Variants in KLF11 observed in about 807,000 individuals in gnomAD.
KLF11 encodes the protein KLF transcription factor 11, also known as Krueppel-like factor 11.
KLF11 carries 26 observed loss-of-function variants against 29.9 expected under a neutral mutation model. The ratio of observed to expected loss-of-function variants is 0.87; its 90% CI spans 0.64 to 1.21. The LOEUF is 1.21. Ranked by LOEUF, KLF11 falls within the 50% of genes most tolerant of loss-of-function variation. The pLI is 0.00. For synonymous variants in KLF11, 318 were observed against 257.4 expected (o/e 1.24, Z -2.25); for missense variants, 778 against 665.7 (o/e 1.17, Z -1.86).
At chr2:10,044,355 C>T (rs752458993) in intron 1 of KLF11, 278 of 985,694 alleles carry the variant, frequency 2.8e-4, no homozygotes, top group Admixed American at 1.6e-3. Context: ...GCGTCGCGAC[C>T]TGGGGGCTTC....
chr2:10,051,003 G>A (rs1213171958), intron 3 of KLF11, among the ~76,000 whole-genome samples: 2 of 134,780 alleles, frequency 1.5e-5, no homozygotes, highest in Non-Finnish European at 3.1e-5. Context: ...CCGGGTTCAC[G>A]CCATTCTCCT....
chr2:10,048,776 A>G (rs1473002459), intron 3 of KLF11, among the ~76,000 whole-genome samples, 181 bp downstream of exon 3: 3 of 152,182 alleles, frequency 2.0e-5, no homozygotes, highest in African/African-American at 7.2e-5. Flanking sequence ...TTGCACAGCC[A>G]TCAGGATTTT....
At position 10,046,149 on chromosome 2, in the gene KLF11, G is replaced by C; in HGVS notation, c.43-1G>C. ...AAGCCGTTGTGTTGTGTCGCCTTTAGGTTGACATCATGGACATATGTGAGT... is the reference window on the plus strand; with the variant it reads ...AAGCCGTTGTGTTGTGTCGCCTTTACGTTGACATCATGGACATATGTGAGT... On this transcript the variant is annotated splice_acceptor_variant, in intron 1 of 3. Coordinates refer to ENST00000305883, the MANE Select transcript of KLF11 (RefSeq NM_003597.5). LOFTEE classifies it high-confidence loss of function. The C allele has an allele frequency of 6.2e-7, 1 of 1,613,608 alleles. No homozygotes were observed. Among genetic ancestry groups the C allele is most frequent in the Non-Finnish European group, 8.5e-7 (1 of 1,180,046 alleles).
At chr2:10,043,891 G>T in intron 1 of KLF11, 133 bp downstream of exon 1, 1 of 1,070,032 alleles carries the variant, frequency 9.3e-7, no homozygotes, top group South Asian at 3.4e-5. Flanking sequence ...CGCGCCGGTA[G>T]GGGCCTGGGC....
rs770367363 is a variant in KLF11, at chr2:10,048,128, A to G, written c.791A>G (p.Tyr264Cys). Residue 264 changes from tyrosine to cysteine, a missense_variant, in exon 3 of 4, where the codon TAT (tyrosine) becomes TGT (cysteine). Physicochemically the swap from Tyr to Cys is radical, Grantham distance 194. Transcript: ENST00000305883. ...GAVQTCSPKN[Y>C]ENDLPRKTTP... is the part of the protein sequence containing the mutation. The stretch of plus-strand genomic sequence containing the variant: ...GTTCAGACTTGCTCACCAAAGAATT[A>G]TGAAAATGACCTGCCCAGGAAAACC... The G allele has an allele frequency of 5.6e-6, 9 of 1,614,110 alleles. No homozygotes were observed. The African/African-American group carries it at 1.2e-4, about 22-fold the overall frequency.
Position 10,054,029 on chromosome 2 carries a change from C to T in KLF11, c.*1522C>T, listed in dbSNP as rs1661485237. 1 of 152,326 alleles carries T rather than the reference C, an allele frequency of 6.6e-6. No homozygotes were observed. Among genetic ancestry groups the T allele is most frequent in the Non-Finnish European group, 1.5e-5 (1 of 68,032 alleles). The allele number at this position is 152,326 out of a possible 1,614,324, so 9.4% of individuals were successfully genotyped here. On this transcript the variant is annotated 3_prime_UTR_variant, in exon 4 of 4. Coordinates refer to ENST00000305883, the MANE Select transcript of KLF11 (RefSeq NM_003597.5). ...TTTGTTCTTTGTAGTCTGATAAAAT[C>T]TCCACCTGGTCATTCATTGTGTGTG...
rs767567762 is a variant in KLF11, at chr2:10,046,230, G to A, written c.123G>A (p.Glu41=). The A allele has an allele frequency of 2.5e-6, 4 of 1,614,198 alleles. No homozygotes were observed. The East Asian group carries it at 6.7e-5, about 27-fold the overall frequency. The stretch of plus-strand genomic sequence containing the variant: ...AAAGGTCTACTTGCAGCATCTTGGA[G>A]CAGACAGACATGGAAGCTGTCGAGG... ...DSERSTCSIL[E]QTDMEAVEAL... Residue 41 remains glutamate (E), a synonymous_variant, in exon 2 of 4, where the codon GAG becomes GAA. Transcript: ENST00000305883.
intron 1 of KLF11, among the ~76,000 whole-genome samples, chr2:10,045,387 C>CA (rs1053283121): frequency 6.6e-6 from 1 of 151,892 alleles, no homozygotes; most frequent in Admixed American, 6.6e-5. Context: ...TAGCAAAACT[C>CA]TCTTTCTACT....
In KLF11 at chr2:10,053,006, A is replaced by G. The variant is rs1661453799; in HGVS notation, c.*499A>G. On this transcript the variant is annotated 3_prime_UTR_variant, in exon 4 of 4. Coordinates refer to ENST00000305883, the MANE Select transcript of KLF11 (RefSeq NM_003597.5). The stretch of plus-strand genomic sequence containing the variant: ...TGGCCCTTCTTTTAGTAAACTGGAC[A>G]TGTTATTCCACTACAAAAACCACAA... 2 of 380,276 alleles carry G rather than the reference A, an allele frequency of 5.3e-6. No individual in the cohort carries two copies. The highest frequency in any genetic ancestry group is 7.6e-5 in the East Asian group (2 of 26,232). 23.6% of individuals were successfully genotyped at this position (380,276 alleles called of 1,614,324 possible).
At chr2:10,049,282 G>A (rs1202962278) in intron 3 of KLF11, among the ~76,000 whole-genome samples, 1 of 152,256 alleles carries the variant, frequency 6.6e-6, no homozygotes, top group Non-Finnish European at 1.5e-5. Flanking sequence ...AGTATTTGAA[G>A]TTTAAATAGC....
rs886054723 is a variant in KLF11, at chr2:10,048,383, C to T, written c.1046C>T (p.Pro349Leu). Residue 349 changes from proline (P) to leucine (L), a missense_variant, in exon 3 of 4, where the codon CCT becomes CTT. Transcript: ENST00000305883. Reference sequence around the variant, plus strand: ...TTGGTCCTGCCCCAGGGAGCCCTCCCTCCGCCTGCCCCCTGTGCAGCCAAT... The same window carrying T: ...TTGGTCCTGCCCCAGGGAGCCCTCCTTCCGCCTGCCCCCTGTGCAGCCAAT... ...VMLVLPQGALPPPAPCAANVM... is the reference protein window; with the variant it reads ...VMLVLPQGALLPPAPCAANVM... 2.5e-6 allele frequency: 4 copies of T among 1,612,920 alleles called. No individual in the cohort carries two copies. The highest frequency in any genetic ancestry group is 3.4e-6 in the Non-Finnish European group (4 of 1,179,078).
chr2:10,052,316 G>A lies in KLF11; in HGVS notation c.1348G>A (p.Gly450Arg), dbSNP rs1250713577. 1.9e-6 allele frequency: 3 copies of A among 1,614,158 alleles called. No homozygotes were observed. Among genetic ancestry groups the A allele is most frequent in the East Asian group, 2.2e-5 (1 of 44,878 alleles). ...GTCACGCCACCGCAGAACTCACACA[G>A]GGGAGAAGAAGTTTGTGTGCCCGGT... ...ELSRHRRTHTGEKKFVCPVCD... is the reference protein window; with the variant it reads ...ELSRHRRTHTREKKFVCPVCD... Residue 450 changes from glycine to arginine, a missense_variant, in exon 4 of 4, where the codon GGG becomes AGG. Physicochemically the swap from Gly to Arg is moderately radical, Grantham distance 125. Transcript: ENST00000305883.
rs773663627 is a variant in KLF11 at position 10,048,035 on chromosome 2, C to T, written c.698C>T (p.Pro233Leu). 1.2e-6 allele frequency: 2 copies of T among 1,614,196 alleles called. No homozygotes were observed. The highest frequency in any genetic ancestry group is 2.2e-5 in the South Asian group (2 of 91,082). The change falls in exon 3 of 4, where the codon CCC (proline) becomes CTC (leucine). Residue 233 changes from proline to leucine, a missense_variant. By Grantham distance (98) the Pro-to-Leu change is moderately conservative. Transcript: ENST00000305883. ...LLSTNLVSCQ[P>L]CLHKSGGLLL... ...AGCACTAACTTGGTGTCCTGTCAGC[C>T]CTGCTTGCACAAGTCTGGTGGCCTG...
At position 10,052,604 on chromosome 2, in the gene KLF11, C is replaced by G; in HGVS notation, c.*97C>G. 1 of 1,318,444 alleles carries G rather than the reference C, an allele frequency of 7.6e-7. No homozygotes were observed. The highest frequency in any genetic ancestry group is 1.1e-6 in the Non-Finnish European group (1 of 938,886). The allele number at this position is 1,318,444 out of a possible 1,614,324, so 81.7% of individuals were successfully genotyped here. A position where few individuals can be genotyped will look rare whatever the true frequency, so the allele number is the denominator to read the frequency against. On this transcript the variant is annotated 3_prime_UTR_variant, in exon 4 of 4. Transcript: ENST00000305883. Reference sequence around the variant, plus strand: ...CTCCCACTGCCTCACCCAAAAAAAACGGTCTTGGCGGCCTAGGGGAAGATC... The same window carrying G: ...CTCCCACTGCCTCACCCAAAAAAAAGGGTCTTGGCGGCCTAGGGGAAGATC...
At chr2:10,045,035 A>G (rs931144523) in intron 1 of KLF11, among the ~76,000 whole-genome samples, 2 of 152,034 alleles carry the variant, frequency 1.3e-5, no homozygotes, top group African/African-American at 2.4e-5. Flanking sequence ...AATCCCAGCT[A>G]CTGGGGAGGC....
In KLF11 at chr2:10,043,708, G is replaced by T; in HGVS notation, c.-9G>T. On this transcript the variant is annotated 5_prime_UTR_variant, in exon 1 of 4. Transcript: ENST00000305883. ...GCGGCCGCTTTGTTGCTCCCGGCCG[G>T]CCTGCACGATGCACACGCCGGACTT... 7.4e-7 allele frequency: 1 copy of T among 1,354,348 alleles called. No homozygotes were observed. The highest frequency in any genetic ancestry group is 9.6e-7 in the Non-Finnish European group (1 of 1,037,248). The allele number at this position is 1,354,348 out of a possible 1,614,324, so 83.9% of individuals were successfully genotyped here.
Position 10,048,574 on chromosome 2 carries a change from G to A in KLF11, c.1237G>A (p.Ala413Thr), listed in dbSNP as rs1272638631. The A allele has an allele frequency of 6.2e-6, 10 of 1,603,486 alleles. No individual in the cohort carries two copies. The highest frequency in any genetic ancestry group is 8.5e-6 in the Non-Finnish European group (10 of 1,179,798). Residue 413 changes from alanine to threonine, a missense_variant, in exon 3 of 4, where the codon GCC (alanine) becomes ACC (threonine). Ala to Thr is a moderately conservative substitution (Grantham distance 58). Coordinates refer to ENST00000305883, the MANE Select transcript of KLF11 (RefSeq NM_003597.5). ...KTYFKSSHLK[A>T]HLRTHTGEKP... The stretch of plus-strand genomic sequence containing the variant: ...CTACTTCAAAAGTTCCCACCTTAAG[G>A]CCCATCTTCGCACTCACACAGGTAA...
intron 2 of KLF11, among the ~76,000 whole-genome samples, chr2:10,047,190 T>C (rs1306937084): frequency 2.0e-5 from 3 of 152,152 alleles, no homozygotes; most frequent in African/African-American, 4.8e-5. Flanking sequence ...CACTCTTGCT[T>C]TTTGTTTTTT....
At chr2:10,044,153 G>C in intron 1 of KLF11, 2 of 157,330 alleles carry the variant, frequency 1.3e-5, no homozygotes, top group Non-Finnish European at 1.5e-5. Flanking sequence ...GCGGGAACGC[G>C]GCACGGTTTT....
Sources: gnomAD v4.1 joint callset for allele counts (sites outside exome capture counted in the v4.1 genomes callset) on GRCh38, gnomAD v4.1.1 for gene constraint, MANE v1.5 for transcripts, NCBI Gene and HGNC (gene_info 2026-07-23, HGNC 2026-07-21) for gene names.